EGLN1: variants seen among roughly 807,000 people sequenced by gnomAD.
The protein encoded by EGLN1 is egl nine homolog 1.
In EGLN1, 17 loss-of-function variants were observed where a neutral mutation model predicts 38.3. The observed-to-expected ratio is 0.44, with a 90% CI of 0.30 to 0.67. EGLN1 has a LOEUF of 0.67. Among genes scored for constraint, EGLN1 ranks in the 30% least tolerant of loss-of-function variants. The pLI is 0.08. For missense variants in EGLN1, 477 were observed against 603.3 expected (o/e 0.79, Z 2.19); for synonymous variants, 283 against 257.5 (o/e 1.10, Z -0.95).
In EGLN1 at chr1:231,421,861, C is replaced by G. The variant is rs1385689881; in HGVS notation, c.28G>C (p.Gly10Arg). The G allele has an allele frequency of 6.7e-7, 1 of 1,484,938 alleles. No individual in the cohort carries two copies. Among genetic ancestry groups the G allele is most frequent in the Non-Finnish European group, 8.9e-7 (1 of 1,124,860 alleles). 92.0% of individuals were successfully genotyped at this position (1,484,938 alleles called of 1,614,324 possible). Residue 10 changes from glycine (G) to arginine (R), a missense_variant, in exon 1 of 5, where the codon GGG becomes CGG. By Grantham distance (125) the Gly-to-Arg change is moderately radical. This residue lies in a region of EGLN1 where 298 missense variants were observed against 288.9 expected (regional missense o/e 1.03). Transcript: ENST00000366641. This position sits in a 1 kb window ranked among gnomAD's most constrained non-coding sequence, Gnocchi z 5.5. MANDSGGPG[G>R]PSPSERDRQY... is the part of the protein sequence containing the mutation. ...CGGTCTCGCTCGCTCGGGCTCGGCC[C>G]GCCGGGCCCGCCGCTGTCATTGGCC...
intron 2 of EGLN1, among the ~76,000 whole-genome samples, chr1:231,373,709 T>C (rs1453723449): frequency 1.5e-5 from 2 of 129,838 alleles, no homozygotes; most frequent in East Asian, 2.3e-4. Flanking sequence ...TGTGTATGTG[T>C]GTGTGTTTAG....
intron 2 of EGLN1, among the ~76,000 whole-genome samples, chr1:231,373,245 A>G (rs1687873269): frequency 6.6e-6 from 1 of 152,182 alleles, no homozygotes; most frequent in South Asian, 2.1e-4. Context: ...CCTGCCTCCA[A>G]TATTCAATTA....
intron 1 of EGLN1, among the ~76,000 whole-genome samples, chr1:231,410,228 AC>A (rs1278883509): frequency 2.0e-5 from 3 of 152,212 alleles, no homozygotes; most frequent in African/African-American, 7.2e-5. Context: ...CAAGACTGGG[AC>A]TTCAGTCTTG....
At chr1:231,403,703 G>C (rs1230067653) in intron 1 of EGLN1, among the ~76,000 whole-genome samples, 1 of 143,126 alleles carries the variant, frequency 7.0e-6, no homozygotes, top group African/African-American at 2.7e-5. Flanking sequence ...TTGAACCTGG[G>C]AAGAGGTGGA....
chr1:231,419,645 C>T (rs1443915772), intron 1 of EGLN1, among the ~76,000 whole-genome samples: 1 of 152,172 alleles, frequency 6.6e-6, no homozygotes, highest in East Asian at 1.9e-4. Context: ...CCCCCTTTTC[C>T]TTCCAGTTTA....
chr1:231,374,147 A>G (rs1164022404), intron 1 of EGLN1, 48 bp from the exon 2 acceptor site: 2 of 1,558,336 alleles, frequency 1.3e-6, no homozygotes, highest in Non-Finnish European at 1.8e-6. Flanking sequence ...ATAAATAAAA[A>G]GAGAGAACAG....
Position 231,364,789 on chromosome 1 carries a change from G to C in EGLN1, c.*1622C>G, listed in dbSNP as rs1021053732. On this transcript the variant is annotated 3_prime_UTR_variant, in exon 5 of 5. Coordinates refer to ENST00000366641, the MANE Select transcript of EGLN1 (RefSeq NM_022051.3). Reference sequence around the variant, plus strand: ...GCAAAGAAGATCAAGGACAGAGATAGAAAACCTAAGTGGGCAAGGTCTTAC... The same window carrying C: ...GCAAAGAAGATCAAGGACAGAGATACAAAACCTAAGTGGGCAAGGTCTTAC... 5 of 152,190 alleles carry C rather than the reference G, an allele frequency of 3.3e-5. No individual in the cohort carries two copies. The highest frequency in any genetic ancestry group is 1.2e-4 in the African/African-American group (5 of 41,434). 9.4% of individuals were successfully genotyped at this position (152,190 alleles called of 1,614,324 possible).
In EGLN1 at chr1:231,417,801, A is replaced by G. The variant is rs375790681; in HGVS notation, c.891+3197T>C. Among the ~76,000 whole-genome samples, 52 of 152,308 alleles carry G rather than the reference A, an allele frequency of 3.4e-4. 1 individual carries two copies. In the East Asian group the frequency reaches 5.4e-3, roughly 16 times the overall value. ...CATGTTTGAAGTAGAAATTCAGGGG[A>G]AAACAAAGCCTACACTGAATGGGCC... is the stretch of plus-strand genomic sequence containing the variant. On this transcript the variant is annotated intron_variant, in intron 1 of 4. Coordinates refer to ENST00000366641, the MANE Select transcript of EGLN1 (RefSeq NM_022051.3).
chr1:231,371,288 G>A (rs1358560260), intron 2 of EGLN1, among the ~76,000 whole-genome samples: 1 of 152,014 alleles, frequency 6.6e-6, no homozygotes, highest in Non-Finnish European at 1.5e-5. Context: ...ACTACTAAAC[G>A]TTTATTTTTG....
At chr1:231,387,700 G>A (rs1411239580) in intron 1 of EGLN1, among the ~76,000 whole-genome samples, 1 of 152,122 alleles carries the variant, frequency 6.6e-6, no homozygotes, top group African/African-American at 2.4e-5. Flanking sequence ...CTAGTGAGTG[G>A]TTTAGAAAAA....
At chr1:231,381,437 T>C (rs1460424045) in intron 1 of EGLN1, among the ~76,000 whole-genome samples, 1 of 152,150 alleles carries the variant, frequency 6.6e-6, no homozygotes, top group East Asian at 1.9e-4. Context: ...CAATGAAAGA[T>C]TATTGAAGAA....
intron 1 of EGLN1, among the ~76,000 whole-genome samples, chr1:231,388,893 G>T (rs889901344): frequency 6.6e-6 from 1 of 152,118 alleles, no homozygotes; most frequent in African/African-American, 2.4e-5. Context: ...AACCTCAGGC[G>T]ATCTGCCCAC....
At chr1:231,414,541 G>A (rs1689027824) in intron 1 of EGLN1, among the ~76,000 whole-genome samples, 1 of 152,136 alleles carries the variant, frequency 6.6e-6, no homozygotes, top group Non-Finnish European at 1.5e-5. Flanking sequence ...GCTTTAAATA[G>A]TATCAGAGGA....
At chr1:231,374,656 T>C (rs189230028) in intron 1 of EGLN1, among the ~76,000 whole-genome samples, 17 of 152,248 alleles carry the variant, frequency 1.1e-4, no homozygotes, top group Non-Finnish European at 1.8e-4. Context: ...TAGCTAGGAC[T>C]ATAAGCACGT....
Position 231,364,652 on chromosome 1 carries a change from A to G in EGLN1, c.*1759T>C, listed in dbSNP as rs1474643138. The G allele has an allele frequency of 6.6e-6, 1 of 152,240 alleles. No homozygotes were observed. The highest frequency in any genetic ancestry group is 1.5e-5 in the Non-Finnish European group (1 of 68,042). The allele number at this position is 152,240 out of a possible 1,614,324, so 9.4% of individuals were successfully genotyped here. A position where few individuals can be genotyped will look rare whatever the true frequency, so the allele number is the denominator to read the frequency against. ...TGAATAGCAATGGCAATCTTTTAATAAAAATTACTGAGCTTCCCATAGAAA... is the reference window on the plus strand; with the variant it reads ...TGAATAGCAATGGCAATCTTTTAATGAAAATTACTGAGCTTCCCATAGAAA... On this transcript the variant is annotated 3_prime_UTR_variant, in exon 5 of 5. Transcript: ENST00000366641.
chr1:231,377,686 G>A (rs895981066), intron 1 of EGLN1, among the ~76,000 whole-genome samples: 3 of 152,150 alleles, frequency 2.0e-5, no homozygotes, highest in Admixed American at 2.0e-4. Flanking sequence ...TCCCCCAACC[G>A]GGGATCTGTT....
At position 231,365,057 on chromosome 1, in the gene EGLN1, G is replaced by C. The variant is rs1441944893; in HGVS notation, c.*1354C>G. On this transcript the variant is annotated 3_prime_UTR_variant, in exon 5 of 5. Coordinates refer to ENST00000366641, the MANE Select transcript of EGLN1 (RefSeq NM_022051.3). Reference sequence around the variant, plus strand: ...CTAAGCTAAGCATCTTTCAGTACAGGTAAGAAGGCTGGCATCACATCTGGG... The same window carrying C: ...CTAAGCTAAGCATCTTTCAGTACAGCTAAGAAGGCTGGCATCACATCTGGG... The C allele has an allele frequency of 6.6e-6, 1 of 152,152 alleles. No individual in the cohort carries two copies. The highest frequency in any genetic ancestry group is 1.5e-5 in the Non-Finnish European group (1 of 68,042). 9.4% of individuals were successfully genotyped at this position (152,152 alleles called of 1,614,324 possible). A position where few individuals can be genotyped will look rare whatever the true frequency, so the allele number is the denominator to read the frequency against.
chr1:231,413,429 C>T (rs1398796041), intron 1 of EGLN1, among the ~76,000 whole-genome samples: 1 of 152,082 alleles, frequency 6.6e-6, no homozygotes, highest in African/African-American at 2.4e-5. Flanking sequence ...GAAAATGCTC[C>T]TCTTCCACAT....
chr1:231,409,989 GGGGAAAAAAAGTGTAGACTAGA>G (rs1186194646), intron 1 of EGLN1, among the ~76,000 whole-genome samples: 2 of 152,074 alleles, frequency 1.3e-5, no homozygotes, highest in East Asian at 1.9e-4. Context: ...GATAACCCAG[GGGGAAAAAAAGTGTAGACTAGA>G]GGGAAAAAAA....
Sources: gnomAD v4.1 joint callset for allele counts (sites outside exome capture counted in the v4.1 genomes callset) on GRCh38, gnomAD v4.1.1 for gene constraint, gnomAD v4.1.1 regional missense constraint, Gnocchi (gnomAD v3.1) non-coding constraint, MANE v1.5 for transcripts, NCBI Gene and HGNC (gene_info 2026-07-23, HGNC 2026-07-21) for gene names.